Variants in CCSER2 observed in about 807,000 individuals in gnomAD.
The protein encoded by CCSER2 is coiled-coil serine rich protein 2.
Under a neutral mutation model 92.3 loss-of-function variants are expected in CCSER2, and 46 were observed. The ratio of observed to expected loss-of-function variants is 0.50; its 90% CI spans 0.39 to 0.64. The LOEUF is 0.64. CCSER2 is among the 30% of genes least tolerant of loss of function. The pLI is 0.00. For synonymous variants in CCSER2, 433 were observed against 431.4 expected, an observed-to-expected ratio of 1.00 and a Z score of -0.04; for missense variants, 1,244 against 1,238.9, an observed-to-expected ratio of 1.00 and a Z score of -0.06.
intron 6 of CCSER2, among the ~76,000 whole-genome samples, chr10:84,458,033 G>A (rs1488406256): frequency 6.6e-6 from 1 of 151,890 alleles, no homozygotes; most frequent in Non-Finnish European, 1.5e-5. Context: ...AGGTGTGAGA[G>A]CAAAAGTTCT....
chr10:84,503,455 G>A (rs961424273), intron 9 of CCSER2, among the ~76,000 whole-genome samples: 1 of 152,082 alleles, frequency 6.6e-6, no homozygotes, highest in Non-Finnish European at 1.5e-5. Context: ...CACTTAACTG[G>A]CATTGGTGTA....
chr10:84,365,921 G>A (rs1437968579), intron 1 of CCSER2, among the ~76,000 whole-genome samples: 12 of 152,024 alleles, frequency 7.9e-5, no homozygotes, highest in Admixed American at 5.9e-4. Context: ...TGTTTATACC[G>A]AAAGTGGTTG....
At chr10:84,455,933 T>G (rs1184107408) in intron 6 of CCSER2, 3 of 673,904 alleles carry the variant, frequency 4.5e-6, no homozygotes, top group Non-Finnish European at 8.6e-6. Flanking sequence ...CATCTTGTTC[T>G]GGATTTCTGT....
chr10:84,496,253 A>G (rs1228444064), intron 9 of CCSER2, among the ~76,000 whole-genome samples: 1 of 152,178 alleles, frequency 6.6e-6, no homozygotes, highest in Non-Finnish European at 1.5e-5. Context: ...TCACAGCCAT[A>G]CAAGGGTGGA....
At chr10:84,432,417 G>C (rs1207902549) in intron 5 of CCSER2, among the ~76,000 whole-genome samples, 1 of 152,108 alleles carries the variant, frequency 6.6e-6, no homozygotes, top group African/African-American at 2.4e-5. Flanking sequence ...TCCCTCCCCT[G>C]TCTAGTAGTC....
chr10:84,361,646 CT>C (rs540444252), intron 1 of CCSER2, among the ~76,000 whole-genome samples: 143 of 144,616 alleles, frequency 9.9e-4, no homozygotes, highest in Admixed American at 1.0e-3. Flanking sequence ...TAACATTTTT[CT>C]TTTTTTTTTT....
intron 7 of CCSER2, among the ~76,000 whole-genome samples, chr10:84,464,247 GA>G (rs1846264833): frequency 1.3e-5 from 2 of 152,020 alleles, no homozygotes; most frequent in African/African-American, 4.8e-5. Flanking sequence ...GATTTAAAAA[GA>G]AAATATATTG....
rs1469714425 is a variant in CCSER2 at position 84,328,641 on chromosome 10, G to C, written c.-207G>C. The C allele has an allele frequency of 2.0e-5, 3 of 150,544 alleles. No individual in the cohort carries two copies. Among genetic ancestry groups the C allele is most frequent in the African/African-American group, 7.3e-5 (3 of 41,064 alleles). The allele number at this position is 150,544 out of a possible 1,614,324, so 9.3% of individuals were successfully genotyped here. On this transcript the variant is annotated 5_prime_UTR_variant, in exon 1 of 10. Transcript: ENST00000372088. ...AGGGGGCGCGGCGGCTTTGGAGTCC[G>C]GCGCTCCCTCAGGCCGCGGACGCGA...
In CCSER2 at chr10:84,396,196, T is replaced by C. The variant is rs1277142605; in HGVS notation, c.1615-21575T>C. 3.9e-5 allele frequency among the ~76,000 whole-genome samples: 4 copies of C among 102,196 alleles called. No individual in the cohort carries two copies. The African/African-American group carries it at 4.1e-4, about 10-fold the overall frequency. The allele number at this position is 102,196 out of a possible 152,430, so 67.0% of individuals were successfully genotyped here. A position where few individuals can be genotyped will look rare whatever the true frequency, so the allele number is the denominator to read the frequency against. ...TTAGTTATTCAACACTGTGTGTGTG[T>C]GTGTGTGTGTGTGTGTGTGTGTGTA... On this transcript the variant is annotated intron_variant, in intron 3 of 9. Transcript: ENST00000372088.
chr10:84,364,927 A>T (rs1454143511), intron 1 of CCSER2, among the ~76,000 whole-genome samples: 1 of 151,994 alleles, frequency 6.6e-6, no homozygotes, highest in African/African-American at 2.4e-5. Flanking sequence ...TTTGTGGCAG[A>T]GACAGGGTCT....
intron 9 of CCSER2, among the ~76,000 whole-genome samples, chr10:84,478,745 T>C (rs944527835): frequency 1.3e-5 from 2 of 152,184 alleles, no homozygotes; most frequent in African/African-American, 4.8e-5. Flanking sequence ...TGCATTGATG[T>C]AGTTAAAGTG....
intron 5 of CCSER2, among the ~76,000 whole-genome samples, chr10:84,426,113 C>T (rs1334189269): frequency 1.3e-5 from 2 of 151,742 alleles, no homozygotes; most frequent in African/African-American, 4.9e-5. Flanking sequence ...AATATAAATA[C>T]TCTATTTATA....
chr10:84,489,151 A>G (rs1254491908), intron 9 of CCSER2, among the ~76,000 whole-genome samples: 3 of 152,140 alleles, frequency 2.0e-5, no homozygotes, highest in Non-Finnish European at 2.9e-5. Flanking sequence ...GGAGTGCTTC[A>G]CTTCAACTCT....
Position 84,372,120 on chromosome 10 carries a change from T to C in CCSER2, c.1068T>C (p.Ala356=), listed in dbSNP as rs764353570. The C allele has an allele frequency of 1.9e-6, 3 of 1,613,526 alleles. No individual in the cohort carries two copies. The highest frequency in any genetic ancestry group is 1.7e-6 in the Non-Finnish European group (2 of 1,179,768). The change falls in exon 2 of 10, where the codon GCT becomes GCC. Residue 356 remains alanine (A), a synonymous_variant. Transcript: ENST00000372088. ...TCVEEDATVL[A]KDRAANKDQE... is the part of the protein sequence containing the mutation. ...TAGAGGAAGATGCTACAGTTTTGGC[T>C]AAGGACAGAGCTGCTAATAAGGACC...
At chr10:84,356,162 G>A (rs1056138779) in intron 1 of CCSER2, among the ~76,000 whole-genome samples, 80 of 151,088 alleles carry the variant, frequency 5.3e-4, no homozygotes, top group African/African-American at 1.9e-3. Context: ...AGTGGATTAA[G>A]TGTGGCCTCT....
chr10:84,465,907 C>T (rs926632545), intron 7 of CCSER2, among the ~76,000 whole-genome samples: 5 of 152,074 alleles, frequency 3.3e-5, no homozygotes, highest in East Asian at 1.9e-4. Context: ...CCCACCACCG[C>T]GCCCAGCTAA....
At chr10:84,380,755 G>A (rs1396806378) in intron 3 of CCSER2, among the ~76,000 whole-genome samples, 6 of 149,812 alleles carry the variant, frequency 4.0e-5, no homozygotes, top group African/African-American at 7.4e-5. Flanking sequence ...GTGCAGTGGC[G>A]CAATCTCGAC....
chr10:84,465,427 C>T (rs967344502), intron 7 of CCSER2, among the ~76,000 whole-genome samples: 6 of 145,428 alleles, frequency 4.1e-5, no homozygotes, highest in Non-Finnish European at 7.4e-5. Flanking sequence ...TGGGTTCAAG[C>T]GATTCTGCTG....
At position 84,513,568 on chromosome 10, in the gene CCSER2, G is replaced by C. The variant is rs1849478944; in HGVS notation, c.2445G>C (p.Gln815His). Residue 815 changes from glutamine to histidine, a missense_variant, in exon 10 of 10, where the codon CAG (glutamine) becomes CAC (histidine). By Grantham distance (24) the Gln-to-His change is conservative. Transcript: ENST00000372088. ...RSECSIQDMHQGGAHPEESFT... is the reference protein window; with the variant it reads ...RSECSIQDMHHGGAHPEESFT... Reference sequence around the variant, plus strand: ...AATGCTCAATCCAAGACATGCATCAGGGCGGTGCACATCCGGAAGAAAGCT... The same window carrying C: ...AATGCTCAATCCAAGACATGCATCACGGCGGTGCACATCCGGAAGAAAGCT... The C allele has an allele frequency of 6.2e-7, 1 of 1,614,022 alleles. No individual in the cohort carries two copies. The highest frequency in any genetic ancestry group is 2.2e-5 in the East Asian group (1 of 44,880).
Sources: gnomAD v4.1 joint callset for allele counts (sites outside exome capture counted in the v4.1 genomes callset) on GRCh38, gnomAD v4.1.1 for gene constraint, MANE v1.5 for transcripts, NCBI Gene and HGNC (gene_info 2026-07-23, HGNC 2026-07-21) for gene names.